The following DIAPH3 variants were observed in gnomAD, a reference collection of about 807,000 sequenced individuals.
DIAPH3 encodes the protein diaphanous related formin 3.
Under a neutral mutation model 144.3 loss-of-function variants are expected in DIAPH3, and 117 were observed. The ratio of observed to expected loss-of-function variants is 0.81; its 90% CI spans 0.70 to 0.95. DIAPH3 has a LOEUF of 0.95. Among genes scored for constraint, DIAPH3 ranks in the 40% least tolerant of loss-of-function variants. DIAPH3 has a pLI of 0.00. For missense variants in DIAPH3, 1,421 were observed against 1,412.7 expected (o/e 1.01, Z -0.09); for synonymous variants, 519 against 488.9 (o/e 1.06, Z -0.81).
chr13:60,071,226 C>T (rs911931696), intron 4 of DIAPH3, among the ~76,000 whole-genome samples: 2 of 152,148 alleles, frequency 1.3e-5, no homozygotes, highest in African/African-American at 4.8e-5. Flanking sequence ...GAGAAGTTGA[C>T]CCCAAAGTTT....
intron 27 of DIAPH3, among the ~76,000 whole-genome samples, chr13:59,709,008 A>C (rs1280938182): frequency 6.6e-6 from 1 of 152,170 alleles, no homozygotes; most frequent in African/African-American, 2.4e-5. Flanking sequence ...TCCTCTCAAC[A>C]CGTAGAGATA....
intron 25 of DIAPH3, among the ~76,000 whole-genome samples, chr13:59,783,660 C>T (rs960718459): frequency 6.6e-6 from 1 of 152,144 alleles, no homozygotes; most frequent in Admixed American, 6.5e-5. Flanking sequence ...TGTTATTGGG[C>T]ATATTACTTA....
intron 22 of DIAPH3, among the ~76,000 whole-genome samples, chr13:59,840,496 A>G (rs2042281055): frequency 6.6e-6 from 1 of 152,112 alleles, no homozygotes; most frequent in South Asian, 2.1e-4. Context: ...GGTTCAAAAG[A>G]ATAAAATAGT....
At chr13:60,142,941 G>A (rs774826503) in intron 1 of DIAPH3, among the ~76,000 whole-genome samples, 8 of 149,644 alleles carry the variant, frequency 5.3e-5, no homozygotes, top group African/African-American at 1.7e-4. Context: ...TTTTATAGAC[G>A]GCGGTCCCAC....
intron 17 of DIAPH3, among the ~76,000 whole-genome samples, chr13:59,946,594 T>C (rs2140414371): frequency 6.6e-6 from 1 of 152,250 alleles, no homozygotes; most frequent in East Asian, 1.9e-4. Flanking sequence ...AAAAAAGCAC[T>C]TGAGTCATTT....
chr13:59,865,728 C>T (rs2043877100), intron 21 of DIAPH3, among the ~76,000 whole-genome samples: 1 of 152,048 alleles, frequency 6.6e-6, no homozygotes, highest in Admixed American at 6.6e-5. Context: ...TGCAGTAAAA[C>T]TCCCTTGCAG....
At chr13:59,853,544 G>A (rs755324324) in intron 22 of DIAPH3, among the ~76,000 whole-genome samples, 1 of 152,060 alleles carries the variant, frequency 6.6e-6, no homozygotes, top group Non-Finnish European at 1.5e-5. Context: ...TAAGATGTGC[G>A]TGCTGCTCCT....
At chr13:59,742,599 A>G (rs531763005) in intron 27 of DIAPH3, among the ~76,000 whole-genome samples, 44 of 152,104 alleles carry the variant, frequency 2.9e-4, no homozygotes, top group Non-Finnish European at 8.8e-5. Flanking sequence ...AGAGAAAAGA[A>G]AAGAAAGAAA....
chr13:59,722,613 G>A (rs529054502), intron 27 of DIAPH3, among the ~76,000 whole-genome samples: 1 of 152,310 alleles, frequency 6.6e-6, no homozygotes, highest in East Asian at 1.9e-4. Context: ...GTCACTAGCT[G>A]TGTAGTACTA....
intron 5 of DIAPH3, among the ~76,000 whole-genome samples, chr13:60,036,772 C>A (rs1372598039): frequency 1.3e-5 from 2 of 151,642 alleles, no homozygotes; most frequent in East Asian, 3.9e-4. Flanking sequence ...ACATGCCATG[C>A]AAATCTAAAA....
intron 4 of DIAPH3, among the ~76,000 whole-genome samples, chr13:60,070,529 A>G (rs1017444478): frequency 2.0e-5 from 3 of 152,170 alleles, no homozygotes; most frequent in Non-Finnish European, 4.4e-5. Context: ...GTCTGCAAAA[A>G]GGACATCAAC....
At chr13:59,806,147 G>A (rs2040180767) in intron 25 of DIAPH3, among the ~76,000 whole-genome samples, 1 of 152,000 alleles carries the variant, frequency 6.6e-6, no homozygotes, top group South Asian at 2.1e-4. Context: ...CCAGGGGTAT[G>A]TGCCTTACAT....
chr13:59,844,389 A>G (rs1294534504), intron 22 of DIAPH3, among the ~76,000 whole-genome samples: 1 of 151,818 alleles, frequency 6.6e-6, no homozygotes, highest in Non-Finnish European at 1.5e-5. Flanking sequence ...CTGTAGTCCC[A>G]CCTACTCAGG....
intron 17 of DIAPH3, among the ~76,000 whole-genome samples, chr13:59,929,552 T>C (rs12877344): frequency 7.0e-6 from 1 of 143,244 alleles, no homozygotes; most frequent in Admixed American, 7.1e-5. Flanking sequence ...CTAAATTTTG[T>C]TCTTTTTTTT....
At chr13:59,984,016 C>G in intron 12 of DIAPH3, 129 bp from the exon 13 acceptor site, 1 of 665,168 alleles carries the variant, frequency 1.5e-6, no homozygotes. Context: ...ATAGTTGACA[C>G]AACAGATTTT....
At chr13:60,097,942 G>A (rs1344268121) in intron 3 of DIAPH3, among the ~76,000 whole-genome samples, 1 of 152,102 alleles carries the variant, frequency 6.6e-6, no homozygotes, top group African/African-American at 2.4e-5. Context: ...CTTAACTTCT[G>A]GGGGTCACGA....
At chr13:59,704,877 TATC>T (rs916865411) in intron 27 of DIAPH3, among the ~76,000 whole-genome samples, 4 of 152,224 alleles carry the variant, frequency 2.6e-5, no homozygotes, top group African/African-American at 7.2e-5. Flanking sequence ...TTATTTAGTT[TATC>T]ATCATCTTCC....
chr13:59,960,895 G>A (rs1034769360), intron 17 of DIAPH3, among the ~76,000 whole-genome samples: 3 of 151,640 alleles, frequency 2.0e-5, no homozygotes, highest in Admixed American at 1.3e-4. Flanking sequence ...AAATAAAAAC[G>A]AGCTTTATAT....
At chr13:60,049,312 TA>T (rs1208629497) in intron 4 of DIAPH3, among the ~76,000 whole-genome samples, 1 of 152,176 alleles carries the variant, frequency 6.6e-6, no homozygotes, top group Non-Finnish European at 1.5e-5. Flanking sequence ...GGCAACATTT[TA>T]AATAGGGCAG....
Sources: allele counts gnomAD v4.1 joint callset (sites outside exome capture counted in the v4.1 genomes callset), GRCh38; gene constraint gnomAD v4.1.1; transcripts MANE v1.5; gene names NCBI Gene and HGNC (gene_info 2026-07-23, HGNC 2026-07-21).